SLC25A21: variants seen among roughly 807,000 people sequenced by gnomAD.
The protein encoded by SLC25A21 is mitochondrial 2-oxodicarboxylate carrier.
SLC25A21 carries 47 observed loss-of-function variants against 43.8 expected under a neutral mutation model. The observed-to-expected ratio is 1.07, with a 90% CI of 0.85 to 1.37. The LOEUF (loss-of-function observed/expected upper bound fraction) is 1.37. Ranked by LOEUF, SLC25A21 falls within the 40% of genes most tolerant of loss-of-function variation. SLC25A21 has a pLI of 0.00. For missense variants in SLC25A21, 352 were observed against 350.2 expected (o/e 1.00, Z -0.04); for synonymous variants, 131 against 121.3 (o/e 1.08, Z -0.52).
intron 6 of SLC25A21, among the ~76,000 whole-genome samples, chr14:36,712,390 C>T (rs1484569643): frequency 6.6e-6 from 1 of 151,050 alleles, no homozygotes; most frequent in Non-Finnish European, 1.5e-5. Flanking sequence ...ACTGACATGA[C>T]ATTTGTTTGA....
intron 1 of SLC25A21, among the ~76,000 whole-genome samples, chr14:36,997,450 G>A (rs957727466): frequency 2.6e-5 from 4 of 152,148 alleles, no homozygotes; most frequent in African/African-American, 9.7e-5. Flanking sequence ...ATAACTGTTA[G>A]TTAAGAATAA....
At chr14:36,822,220 T>A (rs1054668705) in intron 2 of SLC25A21, among the ~76,000 whole-genome samples, 1 of 152,254 alleles carries the variant, frequency 6.6e-6, no homozygotes, top group African/African-American at 2.4e-5. Context: ...CTGGCATCAA[T>A]TAACACTCCA....
At chr14:36,945,809 T>C (rs974640567) in intron 1 of SLC25A21, among the ~76,000 whole-genome samples, 8 of 152,144 alleles carry the variant, frequency 5.3e-5, no homozygotes, top group African/African-American at 1.9e-4. Flanking sequence ...GGCTGTGCAA[T>C]AATGTGAATG....
At chr14:36,928,833 A>G (rs1178166426) in intron 1 of SLC25A21, among the ~76,000 whole-genome samples, 2 of 152,186 alleles carry the variant, frequency 1.3e-5, no homozygotes, top group African/African-American at 4.8e-5. Flanking sequence ...CAGTTTGCCT[A>G]CTTGTTTAAA....
intron 1 of SLC25A21, among the ~76,000 whole-genome samples, chr14:37,005,757 G>A (rs1960589374): frequency 6.6e-6 from 1 of 152,062 alleles, no homozygotes; most frequent in African/African-American, 2.4e-5. Flanking sequence ...AAGTGCATGG[G>A]GAATTAAAAT....
At chr14:36,949,866 T>C (rs1892764096) in intron 1 of SLC25A21, among the ~76,000 whole-genome samples, 1 of 152,136 alleles carries the variant, frequency 6.6e-6, no homozygotes, top group Non-Finnish European at 1.5e-5. Flanking sequence ...TAGACAACAA[T>C]GGGTTTCTTC....
chr14:37,010,012 T>A (rs2138737459), intron 1 of SLC25A21, among the ~76,000 whole-genome samples: 1 of 152,252 alleles, frequency 6.6e-6, no homozygotes, highest in Admixed American at 6.5e-5. Context: ...ACGTTTAGAG[T>A]CAGAATATCT....
chr14:37,172,340 T>G lies in SLC25A21; in HGVS notation c.11A>C (p.Lys4Thr). The G allele has an allele frequency of 6.2e-7, 1 of 1,600,334 alleles. No homozygotes were observed. Among genetic ancestry groups the G allele is most frequent in the Non-Finnish European group, 8.5e-7 (1 of 1,173,546 alleles). The change falls in exon 1 of 10, where the codon AAG (lysine) becomes ACG (threonine). Residue 4 changes from lysine to threonine, a missense_variant. Lys to Thr is a moderately conservative substitution (Grantham distance 78). Coordinates refer to ENST00000331299, the MANE Select transcript of SLC25A21 (RefSeq NM_030631.4). MSA[K>T]PEVSLVREAS... ...CTCGCGCACTAAGCTGACTTCAGGC[T>G]TGGCGGACATCTTCGCCAGGCGGGA... is the stretch of plus-strand genomic sequence containing the variant.
At chr14:37,093,509 T>C (rs1962627473) in intron 1 of SLC25A21, among the ~76,000 whole-genome samples, 1 of 152,228 alleles carries the variant, frequency 6.6e-6, no homozygotes, top group Non-Finnish European at 1.5e-5. Flanking sequence ...TGCAAAACTG[T>C]GTGTATAATA....
chr14:37,001,188 T>C (rs1419585386), intron 1 of SLC25A21, among the ~76,000 whole-genome samples: 2 of 152,222 alleles, frequency 1.3e-5, no homozygotes, highest in African/African-American at 2.4e-5. Flanking sequence ...ACTAAGTAGC[T>C]TAACTATTGT....
intron 1 of SLC25A21, among the ~76,000 whole-genome samples, chr14:36,915,305 G>A (rs191204469): frequency 4.5e-4 from 69 of 152,256 alleles, no homozygotes; most frequent in African/African-American, 1.6e-3. Flanking sequence ...GTAAAGCCAT[G>A]TCTAGAATTA....
At chr14:36,816,439 G>T (rs2138451493) in intron 2 of SLC25A21, among the ~76,000 whole-genome samples, 1 of 151,544 alleles carries the variant, frequency 6.6e-6, no homozygotes, top group Admixed American at 6.6e-5. Context: ...GGGCAAGCTT[G>T]TTGGGTAGTC....
At chr14:36,993,193 A>G (rs1594742499) in intron 1 of SLC25A21, among the ~76,000 whole-genome samples, 1 of 152,218 alleles carries the variant, frequency 6.6e-6, no homozygotes, top group African/African-American at 2.4e-5. Flanking sequence ...ACTGCAAGCT[A>G]CAACCCAGTG....
chr14:37,060,379 C>CTAA (rs71124787), intron 1 of SLC25A21, among the ~76,000 whole-genome samples: 21,624 of 137,910 alleles, frequency 0.16, 1,733 homozygotes, highest in South Asian at 0.23. Flanking sequence ...ACTCTACTCT[C>CTAA]TAATAATAAT....
chr14:36,929,750 C>T (rs1479890032), intron 1 of SLC25A21, among the ~76,000 whole-genome samples: 2 of 152,142 alleles, frequency 1.3e-5, no homozygotes, highest in Admixed American at 6.6e-5. Flanking sequence ...TACTATAGCT[C>T]GTCTCCAAGA....
intron 1 of SLC25A21, among the ~76,000 whole-genome samples, chr14:36,943,931 T>C (rs1892625520): frequency 6.6e-6 from 1 of 152,052 alleles, no homozygotes. Context: ...AAATACATAG[T>C]AAAAGATGTT....
chr14:36,819,303 G>T (rs1888550956), intron 2 of SLC25A21, among the ~76,000 whole-genome samples: 1 of 152,100 alleles, frequency 6.6e-6, no homozygotes, highest in South Asian at 2.1e-4. Context: ...TAGCCAACAG[G>T]GTAAGGAAGG....
At chr14:37,128,786 G>A (rs1036627490) in intron 1 of SLC25A21, among the ~76,000 whole-genome samples, 1 of 151,784 alleles carries the variant, frequency 6.6e-6, no homozygotes. Context: ...ATGGGGTTTC[G>A]CCATGTTGCC....
At chr14:36,956,172 G>A (rs1345310727) in intron 1 of SLC25A21, among the ~76,000 whole-genome samples, 1 of 152,048 alleles carries the variant, frequency 6.6e-6, no homozygotes, top group African/African-American at 2.4e-5. Flanking sequence ...TAAGAGAGTC[G>A]CCATGTGCAT....
Sources: gnomAD v4.1 joint callset for allele counts (sites outside exome capture counted in the v4.1 genomes callset) on GRCh38, gnomAD v4.1.1 for gene constraint, MANE v1.5 for transcripts, NCBI Gene and HGNC (gene_info 2026-07-23, HGNC 2026-07-21) for gene names.